C1GALT1: variants seen among roughly 807,000 people sequenced by gnomAD.
C1GALT1 encodes the protein glycoprotein-N-acetylgalactosamine 3-beta-galactosyltransferase 1.
In C1GALT1, 11 loss-of-function variants were observed where a neutral mutation model predicts 31.0. The ratio of observed to expected loss-of-function variants is 0.36; its 90% confidence interval spans 0.22 to 0.59. The LOEUF is 0.59. Ranked by LOEUF, C1GALT1 falls within the 20% of genes least tolerant of loss-of-function variation. C1GALT1 has a pLI of 0.79. For missense variants in C1GALT1, 424 were observed against 425.2 expected (o/e 1.00, Z 0.03); for synonymous variants, 175 against 143.6 (o/e 1.22, Z -1.56).
intron 1 of C1GALT1, among the ~76,000 whole-genome samples, chr7:7,216,109 G>A (rs1782227923): frequency 6.6e-6 from 1 of 152,160 alleles, no homozygotes; most frequent in Admixed American, 6.5e-5. Flanking sequence ...AAAAGAAAAT[G>A]AGTTGCTTTC....
chr7:7,245,070 T>C lies in C1GALT1; in HGVS notation c.*1343T>C, dbSNP rs1195996888. 2.6e-5 allele frequency: 4 copies of C among 152,374 alleles called. No homozygotes were observed. The highest frequency in any genetic ancestry group is 9.6e-5 in the African/African-American group (4 of 41,594). 9.4% of individuals were successfully genotyped at this position (152,374 alleles called of 1,614,324 possible). On this transcript the variant is annotated 3_prime_UTR_variant, in exon 4 of 4. Coordinates refer to ENST00000436587, the MANE Select transcript of C1GALT1 (RefSeq NM_020156.5). Reference sequence around the variant, plus strand: ...AAAGGAAAGAAATTTTTTATTTTTATTATCTTTAGCAGTACTGAGTGTCAT... The same window carrying C: ...AAAGGAAAGAAATTTTTTATTTTTACTATCTTTAGCAGTACTGAGTGTCAT...
At chr7:7,195,652 T>C (rs554833950) in intron 1 of C1GALT1, among the ~76,000 whole-genome samples, 2 of 142,122 alleles carry the variant, frequency 1.4e-5, no homozygotes, top group South Asian at 2.1e-4. Context: ...TCTGTAGTTG[T>C]TGGTAAATGT....
Position 7,207,335 on chromosome 7 carries a change from C to CCTTTTT in C1GALT1, c.-18+24515_-18+24516insCTTTTT, listed in dbSNP as rs1781785674. Among the ~76,000 whole-genome samples, 2 of 47,972 alleles carry CCTTTTT rather than the reference C, an allele frequency of 4.2e-5. 1 individual carries two copies. The highest frequency in any genetic ancestry group is 1.6e-4 in the African/African-American group (2 of 12,478). The allele number at this position is 47,972 out of a possible 152,430, so 31.5% of individuals were successfully genotyped here. A position where few individuals can be genotyped will look rare whatever the true frequency, so the allele number is the denominator to read the frequency against. ...TCTCTGTGTTTCTCTTACTCTGTTG[C>CCTTTTT]TTTTTTTTTTTTTTTTTTTTTTTTT... On this transcript the variant is annotated intron_variant, in intron 1 of 3. Transcript: ENST00000436587.
In C1GALT1 at chr7:7,203,078, A is replaced by C. The variant is rs975763259; in HGVS notation, c.-18+20258A>C. On this transcript the variant is annotated intron_variant, in intron 1 of 3. Coordinates refer to ENST00000436587, the MANE Select transcript of C1GALT1 (RefSeq NM_020156.5). ...ATTTGCTTCTTTGCTAAATTAATTT[A>C]TTAGTTCTAACAGGTTTTTTTTTTT... 2.9e-5 allele frequency among the ~76,000 whole-genome samples: 4 copies of C among 138,016 alleles called. No individual in the cohort carries two copies. In the South Asian group the frequency reaches 8.9e-4, roughly 31 times the overall value. The allele number at this position is 138,016 out of a possible 152,430, so 90.5% of individuals were successfully genotyped here.
intron 2 of C1GALT1, among the ~76,000 whole-genome samples, chr7:7,172,545 CCT>C (rs1188278317): frequency 6.6e-6 from 1 of 151,966 alleles, no homozygotes; most frequent in African/African-American, 2.4e-5. Context: ...TATTTCTGCC[CCT>C]CTCTTTGTCA....
intron 1 of C1GALT1, among the ~76,000 whole-genome samples, chr7:7,226,698 G>A (rs192769460): frequency 7.2e-4 from 109 of 152,216 alleles, no homozygotes; most frequent in Admixed American, 1.7e-3. Context: ...AAAAAAAACT[G>A]CTTGCTGAAA....
At chr7:7,198,509 T>C (rs1781397379) in intron 1 of C1GALT1, among the ~76,000 whole-genome samples, 1 of 152,222 alleles carries the variant, frequency 6.6e-6, no homozygotes, top group African/African-American at 2.4e-5. Flanking sequence ...TTTTATTGTG[T>C]CTCTGCTAGG....
intron 1 of C1GALT1, among the ~76,000 whole-genome samples, chr7:7,224,841 T>G (rs1014968743): frequency 6.6e-6 from 1 of 152,090 alleles, no homozygotes; most frequent in African/African-American, 2.4e-5. Flanking sequence ...TCATGGGGGT[T>G]TGGTGTATTT....
chr7:7,159,293 T>G (rs766206200), intron 2 of C1GALT1, among the ~76,000 whole-genome samples: 4 of 152,072 alleles, frequency 2.6e-5, no homozygotes, highest in African/African-American at 4.8e-5. Context: ...TTGACCACCT[T>G]TTCTCTACTA....
chr7:7,206,543 G>T (rs1001202972), intron 1 of C1GALT1, among the ~76,000 whole-genome samples: 1 of 151,952 alleles, frequency 6.6e-6, no homozygotes, highest in African/African-American at 2.4e-5. Flanking sequence ...GGGTATGGTG[G>T]CATACTGCTG....
chr7:7,184,512 A>G (rs1780730918), intron 1 of C1GALT1, among the ~76,000 whole-genome samples: 1 of 152,270 alleles, frequency 6.6e-6, no homozygotes, highest in Admixed American at 6.5e-5. Context: ...CAGGGTACAC[A>G]TAATGAGTTC....
chr7:7,161,558 A>G (rs913608093), intron 2 of C1GALT1, among the ~76,000 whole-genome samples: 2 of 152,190 alleles, frequency 1.3e-5, no homozygotes, highest in South Asian at 2.1e-4. Flanking sequence ...TACTTACTAC[A>G]TGTTAGACCC....
chr7:7,205,764 T>G (rs1781713161), intron 1 of C1GALT1, among the ~76,000 whole-genome samples: 1 of 152,236 alleles, frequency 6.6e-6, no homozygotes, highest in African/African-American at 2.4e-5. Context: ...GGAATATCTT[T>G]TTTTCATGCC....
chr7:7,225,024 CCT>C (rs1194107934), intron 1 of C1GALT1, among the ~76,000 whole-genome samples: 1 of 128,616 alleles, frequency 7.8e-6, no homozygotes, highest in African/African-American at 3.6e-5. Context: ...GTCCATATGT[CCT>C]CTGTGTTTAG....
intron 2 of C1GALT1, among the ~76,000 whole-genome samples, chr7:7,164,253 T>G (rs1039120116): frequency 6.6e-6 from 1 of 152,224 alleles, no homozygotes; most frequent in South Asian, 2.1e-4. Context: ...CTGGGGAAAC[T>G]GGCTAGCCAT....
chr7:7,227,262 C>CTAAAACTCAT (rs1407747962), intron 1 of C1GALT1, among the ~76,000 whole-genome samples: 4 of 152,168 alleles, frequency 2.6e-5, no homozygotes, highest in Admixed American at 6.5e-5. Flanking sequence ...TTTGTCCCCT[C>CTAAAACTCAT]TAAAACTCAT....
intron 1 of C1GALT1, among the ~76,000 whole-genome samples, chr7:7,232,736 C>A (rs532410506): frequency 2.0e-4 from 31 of 152,172 alleles, no homozygotes; most frequent in South Asian, 4.1e-4. Context: ...GTGATCCACC[C>A]GCCTTGGCCT....
At chr7:7,184,178 T>G (rs891702923) in intron 1 of C1GALT1, among the ~76,000 whole-genome samples, 10 of 152,234 alleles carry the variant, frequency 6.6e-5, no homozygotes, top group Non-Finnish European at 1.3e-4. Flanking sequence ...ATGTACAGTT[T>G]AAGTGAATAT....
At chr7:7,172,239 A>G (rs1780461229) in intron 2 of C1GALT1, among the ~76,000 whole-genome samples, 1 of 152,128 alleles carries the variant, frequency 6.6e-6, no homozygotes, top group African/African-American at 2.4e-5. Flanking sequence ...AATAGGTTTC[A>G]TTTTCTTTCA....
Sources: allele counts gnomAD v4.1 joint callset (sites outside exome capture counted in the v4.1 genomes callset), GRCh38; gene constraint gnomAD v4.1.1; transcripts MANE v1.5; gene names NCBI Gene and HGNC (gene_info 2026-07-23, HGNC 2026-07-21).